Variants in PDF observed in about 807,000 individuals in gnomAD.
PDF encodes peptide deformylase, mitochondrial, also known as peptide deformylase-like protein.
PDF carries 31 observed loss-of-function variants against 20.3 expected under a neutral mutation model. That is an observed-to-expected ratio of 1.52 (90% CI 1.15 to 2.06). The LOEUF is 2.06. Among genes scored for constraint, PDF ranks in the 30% most tolerant of loss-of-function variants. The pLI is 0.00. For synonymous variants in PDF, 254 were observed against 172.0 expected (o/e 1.48, Z -3.73); for missense variants, 447 against 362.5 (o/e 1.23, Z -1.89).
rs575189480 is a variant in PDF, at chr16:69,330,431, GAGCGCCGC to G, written c.132_139del (p.Arg45LeufsTer115). ...CAGACGCCTCAGGTGGCGCCAATAG[GAGCGCCGC>G]AGCGCCGGGCCCTCGACGCCGTCCG... On this transcript the variant is annotated frameshift_variant, in exon 1 of 2. Transcript: ENST00000288022. LOFTEE classifies it high-confidence loss of function. 30 of 1,475,956 alleles carry G rather than the reference GAGCGCCGC, an allele frequency of 2.0e-5. No individual in the cohort carries two copies. The East Asian group carries it at 4.7e-4, about 23-fold the overall frequency. The allele number at this position is 1,475,956 out of a possible 1,614,324, so 91.4% of individuals were successfully genotyped here.
rs768719051 is a variant in PDF at position 69,330,142 on chromosome 16, G to A, written c.429C>T (p.Arg143=). 6.4e-7 allele frequency: 1 copy of A among 1,558,778 alleles called. No individual in the cohort carries two copies. Among genetic ancestry groups the A allele is most frequent in the East Asian group, 2.5e-5 (1 of 39,310 alleles). ...RECPPRQRAL[R]QMEPFPLRVF... ...CGCGCAGGGGGAAGGGCTCCATTTG[G>A]CGGAGCGCGCGCTGGCGGGGCGGGC... The change falls in exon 1 of 2, where the codon CGC becomes CGT. Residue 143 remains arginine, a synonymous_variant. Transcript: ENST00000288022.
At position 69,329,187 on chromosome 16, in the gene PDF, G is replaced by A; in HGVS notation, c.575-8C>T. ...CTCCATTGGGGTCCAGCCCTGCAAA[G>A]GAAGTTACAGCCCTGGTGAGTGGGA... On this transcript the variant is annotated splice_region_variant and splice_polypyrimidine_tract_variant and intron_variant, in intron 1 of 1. Transcript: ENST00000288022. 1.3e-6 allele frequency: 2 copies of A among 1,585,628 alleles called. No homozygotes were observed. Among genetic ancestry groups the A allele is most frequent in the African/African-American group, 1.4e-5 (1 of 73,300 alleles).
At position 69,327,160 on chromosome 16, in the gene PDF, C is replaced by CTTTTTTTTTTTTT. The variant is rs1169149930; in HGVS notation, c.*1849_*1861dup. ...TGCACCAGTATCTGGTTGGGATTCC[C>CTTTTTTTTTTTTT]TTTTTTTTTTTTTTTTTTTTTTTTT... On this transcript the variant is annotated 3_prime_UTR_variant, in exon 2 of 2. Transcript: ENST00000288022. 1 of 91,588 alleles carries CTTTTTTTTTTTTT rather than the reference C, an allele frequency of 1.1e-5. No individual in the cohort carries two copies. Among genetic ancestry groups the CTTTTTTTTTTTTT allele is most frequent in the African/African-American group, 4.5e-5 (1 of 22,410 alleles). 5.7% of individuals were successfully genotyped at this position (91,588 alleles called of 1,614,324 possible). A position where few individuals can be genotyped will look rare whatever the true frequency, so the allele number is the denominator to read the frequency against.
chr16:69,330,096 G>A lies in PDF; in HGVS notation c.475C>T (p.Arg159Ter). Residue 159 changes from arginine to a stop codon, truncating the protein, a stop_gained, in exon 1 of 2, where the codon CGA becomes TGA. Transcript: ENST00000288022. LOFTEE classifies it high-confidence loss of function. ...GTGACCAGGCGGCTGTCAAGCACTC[G>A]CAGGCTGGGGTTCACGAACACGCGC... is the stretch of plus-strand genomic sequence containing the variant. ...PLRVFVNPSLRVLDSRLVTFP... is the reference protein window; with the variant it reads ...PLRVFVNPSL 3 of 1,579,350 alleles carry A rather than the reference G, an allele frequency of 1.9e-6. No homozygotes were observed. The highest frequency in any genetic ancestry group is 2.6e-6 in the Non-Finnish European group (3 of 1,165,238).
Position 69,330,125 on chromosome 16 carries a change from G to T in PDF, c.446C>A (p.Pro149His). 1 of 1,575,078 alleles carries T rather than the reference G, an allele frequency of 6.3e-7. No homozygotes were observed. ...QRALRQMEPFPLRVFVNPSLR... is the reference protein window; with the variant it reads ...QRALRQMEPFHLRVFVNPSLR... ...GCTGGGGTTCACGAACACGCGCAGG[G>T]GGAAGGGCTCCATTTGGCGGAGCGC... Residue 149 changes from proline (P) to histidine (H), a missense_variant, in exon 1 of 2, where the codon CCC becomes CAC. Transcript: ENST00000288022.
At chr16:69,329,224 G>A (rs532978967) in intron 1 of PDF, 45 bp from the exon 2 acceptor site, 120 of 1,517,352 alleles carry the variant, frequency 7.9e-5, no homozygotes, top group Non-Finnish European at 9.8e-5. Flanking sequence ...CAGCTGAACT[G>A]CATCATCCTC....
Position 69,328,446 on chromosome 16 carries a change from T to C in PDF, c.*576A>G, listed in dbSNP as rs1201686586. On this transcript the variant is annotated 3_prime_UTR_variant, in exon 2 of 2. Transcript: ENST00000288022. ...AGAATGAGCCAAGAACCAGCTGCTC[T>C]AGGGATCTCAGCAGCAAAATCCTGC... 2 of 153,542 alleles carry C rather than the reference T, an allele frequency of 1.3e-5. No individual in the cohort carries two copies. Among genetic ancestry groups the C allele is most frequent in the African/African-American group, 4.8e-5 (2 of 41,432 alleles). 9.5% of individuals were successfully genotyped at this position (153,542 alleles called of 1,614,324 possible).
chr16:69,328,901 G>C lies in PDF; in HGVS notation c.*121C>G. ...CCTCCAGCTCAGTCTGCCATGCCTT[G>C]GCAATCCAGTTTCCTGTCATATGCG... On this transcript the variant is annotated 3_prime_UTR_variant, in exon 2 of 2. Transcript: ENST00000288022. 7.6e-7 allele frequency: 1 copy of C among 1,308,906 alleles called. No homozygotes were observed. Among genetic ancestry groups the C allele is most frequent in the Non-Finnish European group, 1.0e-6 (1 of 961,032 alleles). 81.1% of individuals were successfully genotyped at this position (1,308,906 alleles called of 1,614,324 possible).
At position 69,329,079 on chromosome 16, in the gene PDF, A is replaced by G. The variant is rs1965694055; in HGVS notation, c.675T>C (p.Ile225=). 1 of 1,612,226 alleles carries G rather than the reference A, an allele frequency of 6.2e-7. No individual in the cohort carries two copies. The highest frequency in any genetic ancestry group is 8.5e-7 in the Non-Finnish European group (1 of 1,179,538). ...TGAACGTCCTGCTGTCCATTTTGTC[A>G]ATAAACAGGCAGCCCTGCAGGTGGT... The part of the protein sequence containing the change: ...EMDHLQGCLF[I]DKMDSRTFTN... Residue 225 remains isoleucine (I), a synonymous_variant, in exon 2 of 2, where the codon ATT becomes ATC. Coordinates refer to ENST00000288022, the MANE Select transcript of PDF (RefSeq NM_022341.2).
chr16:69,329,232 C>T (rs1289617126), intron 1 of PDF, 53 bp from the exon 2 acceptor site: 21 of 1,492,284 alleles, frequency 1.4e-5, no homozygotes, highest in Non-Finnish European at 1.8e-5. Flanking sequence ...CTGCATCATC[C>T]TCAACCTCCC....
chr16:69,330,511 G>GC lies in PDF; in HGVS notation c.59dup (p.Gly21ArgfsTer142), dbSNP rs1376137794. The GC allele has an allele frequency of 2.7e-6, 4 of 1,471,676 alleles. No homozygotes were observed. The highest frequency in any genetic ancestry group is 3.6e-6 in the Non-Finnish European group (4 of 1,120,248). 91.2% of individuals were successfully genotyped at this position (1,471,676 alleles called of 1,614,324 possible). The stretch of plus-strand genomic sequence containing the variant: ...CCCGGACACCGACGGCTGCCGCCCC[G>GC]CCCCACGGCACGGCCGCCCACAGTG... On this transcript the variant is annotated frameshift_variant, in exon 1 of 2. Transcript: ENST00000288022. LOFTEE classifies it high-confidence loss of function.
At position 69,329,063 on chromosome 16, in the gene PDF, T is replaced by G; in HGVS notation, c.691A>C (p.Arg231=). 1 of 1,612,198 alleles carries G rather than the reference T, an allele frequency of 6.2e-7. No homozygotes were observed. Among genetic ancestry groups the G allele is most frequent in the Non-Finnish European group, 8.5e-7 (1 of 1,179,522 alleles). Residue 231 remains arginine (R), a synonymous_variant, in exon 2 of 2, where the codon AGG becomes CGG. Coordinates refer to ENST00000288022, the MANE Select transcript of PDF (RefSeq NM_022341.2). Reference sequence around the variant, plus strand: ...ATCCAATAGACGTTTGTGAACGTCCTGCTGTCCATTTTGTCAATAAACAGG... The same window carrying G: ...ATCCAATAGACGTTTGTGAACGTCCGGCTGTCCATTTTGTCAATAAACAGG... ...GCLFIDKMDS[R]TFTNVYWMKV...
At chr16:69,329,804 C>T (rs1187413779) in intron 1 of PDF, among the ~76,000 whole-genome samples, 193 bp downstream of exon 1, 2 of 152,264 alleles carry the variant, frequency 1.3e-5, no homozygotes, top group Admixed American at 1.3e-4. Context: ...CCTCTCCTCG[C>T]CCCTGCGTCC....
In PDF at chr16:69,328,832, A is replaced by G. The variant is rs1356609856; in HGVS notation, c.*190T>C. 2.7e-6 allele frequency: 2 copies of G among 729,770 alleles called. No individual in the cohort carries two copies. The highest frequency in any genetic ancestry group is 4.3e-6 in the Non-Finnish European group (2 of 463,498). 45.2% of individuals were successfully genotyped at this position (729,770 alleles called of 1,614,324 possible). A position where few individuals can be genotyped will look rare whatever the true frequency, so the allele number is the denominator to read the frequency against. On this transcript the variant is annotated 3_prime_UTR_variant, in exon 2 of 2. Transcript: ENST00000288022. ...TTTTTCTCCTCAAGTTGTAGCCAAC[A>G]TTTTGTCCGTAACTGATTTCAGGGC...
rs759758378 is a variant in PDF, at chr16:69,327,711, G to GT, written c.*1310dup. 1 of 152,002 alleles carries GT rather than the reference G, an allele frequency of 6.6e-6. No individual in the cohort carries two copies. Among genetic ancestry groups the GT allele is most frequent in the South Asian group, 2.1e-4 (1 of 4,810 alleles). The allele number at this position is 152,002 out of a possible 1,614,324, so 9.4% of individuals were successfully genotyped here. On this transcript the variant is annotated 3_prime_UTR_variant, in exon 2 of 2. Coordinates refer to ENST00000288022, the MANE Select transcript of PDF (RefSeq NM_022341.2). The stretch of plus-strand genomic sequence containing the variant: ...CTCAGCATAAAAATGAGGTGAAACA[G>GT]TTTAACTAAAACTGGAGTTTGGCTG...
chr16:69,330,271 G>C lies in PDF; in HGVS notation c.300C>G (p.Val100=). 6.9e-7 allele frequency: 1 copy of C among 1,439,082 alleles called. No homozygotes were observed. The highest frequency in any genetic ancestry group is 1.4e-5 in the South Asian group (1 of 71,366). The allele number at this position is 1,439,082 out of a possible 1,614,324, so 89.1% of individuals were successfully genotyped here. A position where few individuals can be genotyped will look rare whatever the true frequency, so the allele number is the denominator to read the frequency against. ...PELQRLTQRL[V]QVMRRRRCVG... ...CGCAGCGCCGCCGCCGCATCACCTGGACCAGCCGTTGCGTCAGCCGCTGCA... is the reference window on the plus strand; with the variant it reads ...CGCAGCGCCGCCGCCGCATCACCTGCACCAGCCGTTGCGTCAGCCGCTGCA... The change falls in exon 1 of 2, where the codon GTC becomes GTG. Residue 100 remains valine, a synonymous_variant. Transcript: ENST00000288022.
rs1258614160 is a variant in PDF, at chr16:69,328,163, G to C, written c.*859C>G. ...GGGTTTCACCATCTTGGCCAGGCTG[G>C]TCTTGAGCTCCTGACCTCGTGATCC... On this transcript the variant is annotated 3_prime_UTR_variant, in exon 2 of 2. Transcript: ENST00000288022. The C allele has an allele frequency of 6.6e-6, 1 of 152,204 alleles. No individual in the cohort carries two copies. The highest frequency in any genetic ancestry group is 1.5e-5 in the Non-Finnish European group (1 of 68,072). 9.4% of individuals were successfully genotyped at this position (152,204 alleles called of 1,614,324 possible).
Position 69,329,992 on chromosome 16 carries a change from C to T in PDF, c.574+5G>A. ...TCCAGCAGCCCCGGTCCCCGCCGCC[C>T]GCACCTGAGATCTGCACCGCCTGGA... On this transcript the variant is annotated splice_donor_5th_base_variant and intron_variant, in intron 1 of 1. Coordinates refer to ENST00000288022, the MANE Select transcript of PDF (RefSeq NM_022341.2). 1 of 1,522,528 alleles carries T rather than the reference C, an allele frequency of 6.6e-7. No individual in the cohort carries two copies. Among genetic ancestry groups the T allele is most frequent in the South Asian group, 1.2e-5 (1 of 82,516 alleles). The allele number at this position is 1,522,528 out of a possible 1,614,324, so 94.3% of individuals were successfully genotyped here.
Position 69,327,366 on chromosome 16 carries a change from C to T in PDF, c.*1656G>A, listed in dbSNP as rs956793938. The T allele has an allele frequency of 2.0e-5, 3 of 152,148 alleles. No homozygotes were observed. Among genetic ancestry groups the T allele is most frequent in the South Asian group, 4.2e-4 (2 of 4,816 alleles). 9.4% of individuals were successfully genotyped at this position (152,148 alleles called of 1,614,324 possible). A position where few individuals can be genotyped will look rare whatever the true frequency, so the allele number is the denominator to read the frequency against. On this transcript the variant is annotated 3_prime_UTR_variant, in exon 2 of 2. Transcript: ENST00000288022. ...TATTTTTAGTAGAAACAGTGTTTCG[C>T]CATGTTGGCCAGGCTGGTCTTGAAC...
Sources: gnomAD v4.1 joint callset for allele counts (sites outside exome capture counted in the v4.1 genomes callset) on GRCh38, gnomAD v4.1.1 for gene constraint, MANE v1.5 for transcripts, NCBI Gene and HGNC (gene_info 2026-07-23, HGNC 2026-07-21) for gene names.